The following SGTA variants were observed in gnomAD, a reference collection of about 807,000 sequenced individuals.
SGTA encodes small glutamine rich tetratricopeptide repeat co-chaperone alpha.
A neutral mutation model predicts 44.3 loss-of-function variants in SGTA; 22 were observed. The ratio of observed to expected loss-of-function variants is 0.50; its 90% confidence interval spans 0.36 to 0.71. The LOEUF (loss-of-function observed/expected upper bound fraction) is 0.71, where lower values mean the gene tolerates loss of function less well. Among genes scored for constraint, SGTA ranks in the 30% least tolerant of loss-of-function variants. The probability of loss-of-function intolerance (pLI) is 0.00; values close to 1 mark genes in which losing one functional copy is unlikely to be tolerated. For missense variants in SGTA, 341 were observed against 435.9 expected (o/e 0.78, Z 1.94); for synonymous variants, 174 against 177.6 (o/e 0.98, Z 0.16).
At chr19:2,780,305 A>C (rs1915543238) in intron 1 of SGTA, among the ~76,000 whole-genome samples, 1 of 152,156 alleles carries the variant, frequency 6.6e-6, no homozygotes, top group South Asian at 2.1e-4. Context: ...GCAGGGCAGG[A>C]GAGCCGGGTG....
chr19:2,779,585 T>C (rs1206439768), intron 1 of SGTA, among the ~76,000 whole-genome samples: 3 of 152,178 alleles, frequency 2.0e-5, no homozygotes, highest in Admixed American at 2.0e-4. Flanking sequence ...CAGCGAGGGC[T>C]TTATGGATGC....
rs769230191 is a variant in SGTA, at chr19:2,767,633, G to A, written c.154C>T (p.Leu52Phe). ...TCCGGCAGAGTCTGAGGGAGCGCAA[G>A]GTCACTGTCTTCTACCGTCACCCCA... ...AFGVTVEDSD[L>F]ALPQTLPEIF... is the part of the protein sequence containing the mutation. The change falls in exon 3 of 12, where the codon CTT (leucine) becomes TTT (phenylalanine). Residue 52 changes from leucine to phenylalanine, a missense_variant. Physicochemically the swap from Leu to Phe is conservative, Grantham distance 22 (BLOSUM62 0). Transcript: ENST00000221566. The surrounding 1 kb of genome is among the most constrained non-coding windows in gnomAD (Gnocchi z 7.3). 1.2e-6 allele frequency: 2 copies of A among 1,613,696 alleles called. No individual in the cohort carries two copies. Among genetic ancestry groups the A allele is most frequent in the Non-Finnish European group, 1.7e-6 (2 of 1,179,998 alleles).
intron 1 of SGTA, among the ~76,000 whole-genome samples, chr19:2,780,664 C>A (rs982887081): frequency 5.9e-5 from 9 of 152,326 alleles, no homozygotes; most frequent in Middle Eastern, 3.4e-3. Flanking sequence ...TCCCTTTGAA[C>A]GCCAGCATCT....
At chr19:2,766,682 C>T (rs1013626145) in intron 4 of SGTA, among the ~76,000 whole-genome samples, 1 of 152,112 alleles carries the variant, frequency 6.6e-6, no homozygotes. Flanking sequence ...GCAATCTGCC[C>T]GCCTCGGCCT....
At chr19:2,757,616 C>A in intron 10 of SGTA, 77 bp downstream of exon 10, 1 of 1,449,792 alleles carries the variant, frequency 6.9e-7, no homozygotes, top group Non-Finnish European at 9.2e-7. Flanking sequence ...AGCACTTTCG[C>A]TCTCCTCCTT....
chr19:2,768,962 C>T lies in SGTA; in HGVS notation c.100+7G>A. 1 of 1,605,634 alleles carries T rather than the reference C, an allele frequency of 6.2e-7. No homozygotes were observed. The highest frequency in any genetic ancestry group is 8.5e-7 in the Non-Finnish European group (1 of 1,172,884). On this transcript the variant is annotated splice_region_variant and intron_variant, in intron 2 of 11. Transcript: ENST00000221566. ...GGGAGAGGGGGAAGTGGCAGGCACC[C>T]ACCTACCTTCCAAGCTCTCCTGAGC...
chr19:2,772,865 G>A (rs10412297), intron 1 of SGTA, among the ~76,000 whole-genome samples: 3 of 69,338 alleles, frequency 4.3e-5, no homozygotes, highest in Non-Finnish European at 7.0e-5. Context: ...CGCGGCCACA[G>A]GGCAGGGACA....
At chr19:2,782,172 C>A (rs1483616056) in intron 1 of SGTA, among the ~76,000 whole-genome samples, 1 of 152,086 alleles carries the variant, frequency 6.6e-6, no homozygotes, top group East Asian at 1.9e-4. Flanking sequence ...CTGCAGGGTG[C>A]CGAGCAGCAA....
chr19:2,755,824 C>T lies in SGTA; in HGVS notation c.*116G>A, dbSNP rs140149071. 1,709 of 985,502 alleles carry T rather than the reference C, an allele frequency of 1.7e-3. 24 individuals are homozygous for T. The African/African-American group carries it at 0.028, about 16-fold the overall frequency. The allele number at this position is 985,502 out of a possible 1,614,324, so 61.0% of individuals were successfully genotyped here. ...GAAAATCCATCTTGACATGCAGGTC[C>T]GAGGTCTCTCTCTTCCCCTCTCTCA... is the stretch of plus-strand genomic sequence containing the variant. On this transcript the variant is annotated 3_prime_UTR_variant, in exon 12 of 12. Transcript: ENST00000221566. The surrounding 1 kb of genome is among the most constrained non-coding windows in gnomAD (Gnocchi z 5.2).
chr19:2,782,925 G>A (rs1184423810), intron 1 of SGTA, among the ~76,000 whole-genome samples: 2 of 152,306 alleles, frequency 1.3e-5, no homozygotes, highest in East Asian at 1.9e-4. Flanking sequence ...AATAAGAGCG[G>A]AACGGCAGCG....
chr19:2,759,601 T>G (rs1351225193), intron 8 of SGTA: 1 of 388,996 alleles, frequency 2.6e-6, no homozygotes, highest in African/African-American at 2.0e-5. Context: ...TGGTTCTTTA[T>G]TTTAGCTGCT....
intron 1 of SGTA, among the ~76,000 whole-genome samples, chr19:2,782,177 C>A (rs1383592791): frequency 2.0e-5 from 3 of 152,152 alleles, no homozygotes; most frequent in Admixed American, 6.5e-5. Context: ...GGGTGCCGAG[C>A]AGCAACCCTG....
In SGTA at chr19:2,755,827, G is replaced by A; in HGVS notation, c.*113C>T. The A allele has an allele frequency of 1.0e-6, 1 of 985,558 alleles. No individual in the cohort carries two copies. Among genetic ancestry groups the A allele is most frequent in the Non-Finnish European group, 1.2e-6 (1 of 830,024 alleles). The allele number at this position is 985,558 out of a possible 1,614,324, so 61.1% of individuals were successfully genotyped here. On this transcript the variant is annotated 3_prime_UTR_variant, in exon 12 of 12. Coordinates refer to ENST00000221566, the MANE Select transcript of SGTA (RefSeq NM_003021.4). The surrounding 1 kb of genome is among the most constrained non-coding windows in gnomAD (Gnocchi z 5.2). ...AATCCATCTTGACATGCAGGTCCGAGGTCTCTCTCTTCCCCTCTCTCAGGC... is the reference window on the plus strand; with the variant it reads ...AATCCATCTTGACATGCAGGTCCGAAGTCTCTCTCTTCCCCTCTCTCAGGC...
intron 1 of SGTA, among the ~76,000 whole-genome samples, chr19:2,781,015 C>T (rs145413261): frequency 6.6e-6 from 1 of 152,100 alleles, no homozygotes; most frequent in Non-Finnish European, 1.5e-5. Flanking sequence ...CCTGGGAGGT[C>T]GAGGCTGCAG....
rs73516484 is a variant in SGTA at position 2,759,337 on chromosome 19, C to A, written c.700-43G>T. On this transcript the variant is annotated intron_variant, in intron 8 of 11. Transcript: ENST00000221566. ...TTTGTCAGGAAGACAAAGCTCCCAG[C>A]GCATCATTCTCTTTCATCAGACACT... The A allele has an allele frequency of 2.5e-6, 4 of 1,582,784 alleles. No homozygotes were observed. In the East Asian group the frequency reaches 6.7e-5, roughly 27 times the overall value.
chr19:2,768,931 T>A (rs2032456460), intron 2 of SGTA, 38 bp downstream of exon 2: 1 of 1,498,362 alleles, frequency 6.7e-7, no homozygotes. Context: ...TGCTGGCCGC[T>A]GCCCGGGGAG....
rs1128925 is a variant in SGTA at position 2,767,194 on chromosome 19, G to T, written c.234C>A (p.Pro78=). Residue 78 remains proline, a synonymous_variant, in exon 4 of 12, where the codon CCC becomes CCA. Coordinates refer to ENST00000221566, the MANE Select transcript of SGTA (RefSeq NM_003021.4). The surrounding 1 kb of genome is among the most constrained non-coding windows in gnomAD (Gnocchi z 7.3). ...CCTCCTCGGAAGGCGGGGTTCGCGC[G>T]GGGCTCCTCAGGTCCTGCGGCATCT... is the stretch of plus-strand genomic sequence containing the variant. ...GKEMPQDLRS[P]ARTPPSEEDS... 0.22 allele frequency: 358,054 copies of T among 1,609,936 alleles called. 42,570 individuals carry two copies. Among genetic ancestry groups the T allele is most frequent in the East Asian group, 0.48 (21,536 of 44,698 alleles).
intron 2 of SGTA, among the ~76,000 whole-genome samples, chr19:2,768,006 C>A (rs1372803702): frequency 6.6e-6 from 1 of 152,184 alleles, no homozygotes; most frequent in Non-Finnish European, 1.5e-5. Flanking sequence ...GGGGCTTGGC[C>A]CCACCTGGAG....
chr19:2,767,683 G>A lies in SGTA; in HGVS notation c.104C>T (p.Ala35Val). Residue 35 changes from alanine (A) to valine (V), a missense_variant, in exon 3 of 12, where the codon GCC (alanine) becomes GTC (valine). Physicochemically the swap from Ala to Val is moderately conservative, Grantham distance 64. Transcript: ENST00000221566. The surrounding 1 kb of genome is among the most constrained non-coding windows in gnomAD (Gnocchi z 7.3). Reference protein sequence around the residue: ...SSDAQESLEVAIQCLETAFGV... With the variant: ...SSDAQESLEVVIQCLETAFGV... Reference sequence around the variant, plus strand: ...AAACGCAGTCTCCAGGCACTGGATGGCGACTGAAGCGGGGACAGAGGCGGT... The same window carrying A: ...AAACGCAGTCTCCAGGCACTGGATGACGACTGAAGCGGGGACAGAGGCGGT... 6.2e-7 allele frequency: 1 copy of A among 1,612,268 alleles called. No homozygotes were observed. Among genetic ancestry groups the A allele is most frequent in the Non-Finnish European group, 8.5e-7 (1 of 1,178,660 alleles).
Sources: gnomAD v4.1 joint callset for allele counts (sites outside exome capture counted in the v4.1 genomes callset) on GRCh38, gnomAD v4.1.1 for gene constraint, Gnocchi (gnomAD v3.1) non-coding constraint, MANE v1.5 for transcripts, NCBI Gene and HGNC (gene_info 2026-07-23, HGNC 2026-07-21) for gene names.